Variants in POSTN observed in about 807,000 individuals in gnomAD.
POSTN encodes periostin.
Under a neutral mutation model 104.5 loss-of-function variants are expected in POSTN, and 71 were observed. That is an observed-to-expected ratio of 0.68 (90% confidence interval 0.56 to 0.83). The LOEUF is 0.83. Ranked by LOEUF, POSTN falls within the 40% of genes least tolerant of loss-of-function variation. The probability of loss-of-function intolerance (pLI) is 0.00; values close to 1 mark genes in which losing one functional copy is unlikely to be tolerated. For synonymous variants in POSTN, 355 were observed against 340.7 expected (o/e 1.04, Z -0.46); for missense variants, 949 against 1,006.8 (o/e 0.94, Z 0.78).
At chr13:37,598,223 A>G (rs1285670383) in intron 1 of POSTN, among the ~76,000 whole-genome samples, 2 of 152,138 alleles carry the variant, frequency 1.3e-5, no homozygotes, top group South Asian at 2.1e-4. Flanking sequence ...AGATATTTCA[A>G]TGCTGTTTGC....
At chr13:37,584,605 C>T (rs975041264) in intron 8 of POSTN, 111 bp downstream of exon 8, 8 of 866,646 alleles carry the variant, frequency 9.2e-6, no homozygotes, top group Middle Eastern at 3.5e-4. Flanking sequence ...GCTTTGCATG[C>T]CATTCTTTAT....
chr13:37,592,833 A>C (rs565210971), intron 2 of POSTN, among the ~76,000 whole-genome samples: 1 of 152,292 alleles, frequency 6.6e-6, no homozygotes, highest in East Asian at 1.9e-4. Flanking sequence ...TCTCAAATGA[A>C]ATAATGCTTT....
chr13:37,566,507 T>C (rs1174579622), intron 21 of POSTN, among the ~76,000 whole-genome samples: 2 of 152,258 alleles, frequency 1.3e-5, no homozygotes, highest in East Asian at 3.9e-4. Context: ...TATTAACTTA[T>C]TTAGACTGTA....
rs1234258738 is a variant in POSTN at position 37,584,047 on chromosome 13, C to T, written c.1165G>A (p.Ala389Thr). The T allele has an allele frequency of 6.2e-7, 1 of 1,613,874 alleles. No individual in the cohort carries two copies. Among genetic ancestry groups the T allele is most frequent in the Admixed American group, 1.7e-5 (1 of 59,968 alleles). ...AGAGCAGATGCCAAGCCTAATTGGGCCACAAGATCCGTGAAGGTGGTTTGC... is the reference window on the plus strand; with the variant it reads ...AGAGCAGATGCCAAGCCTAATTGGGTCACAAGATCCGTGAAGGTGGTTTGC... ...KQQTTFTDLV[A>T]QLGLASALRP... The change falls in exon 9 of 23, where the codon GCC becomes ACC. Residue 389 changes from alanine to threonine, a missense_variant. Physicochemically the swap from Ala to Thr is moderately conservative, Grantham distance 58. Coordinates refer to ENST00000379747, the MANE Select transcript of POSTN (RefSeq NM_006475.3).
chr13:37,592,240 T>G, intron 2 of POSTN, 76 bp from the exon 3 acceptor site: 3 of 920,968 alleles, frequency 3.3e-6, no homozygotes, highest in Non-Finnish European at 5.0e-6. Context: ...TGACAAAATA[T>G]TTCACTTATT....
intron 20 of POSTN, 121 bp from the exon 21 acceptor site, chr13:37,569,504 T>C: frequency 1.1e-6 from 1 of 898,582 alleles, no homozygotes; most frequent in Non-Finnish European, 1.8e-6. Flanking sequence ...CTCGATTCTT[T>C]CACAAATTTT....
chr13:37,591,954 T>G, intron 3 of POSTN, 146 bp downstream of exon 3: 1 of 548,474 alleles, frequency 1.8e-6, no homozygotes. Flanking sequence ...ATTCATAAAT[T>G]CATGATTAAC....
At chr13:37,595,302 T>A (rs1031791784) in intron 2 of POSTN, among the ~76,000 whole-genome samples, 1 of 152,042 alleles carries the variant, frequency 6.6e-6, no homozygotes, top group Non-Finnish European at 1.5e-5. Context: ...AGCCTTAGAG[T>A]CCCTACTGGG....
chr13:37,598,552 A>T (rs1190783936), intron 1 of POSTN, 56 bp downstream of exon 1: 2 of 1,533,956 alleles, frequency 1.3e-6, no homozygotes, highest in Non-Finnish European at 1.8e-6. Flanking sequence ...ATACTTGAAC[A>T]TCTAACAAGC....
At position 37,567,427 on chromosome 13, in the gene POSTN, C is replaced by G. The variant is rs185572923; in HGVS notation, c.2431+1873G>C. On this transcript the variant is annotated intron_variant, in intron 21 of 22. Transcript: ENST00000379747. Reference sequence around the variant, plus strand: ...CTTTACTAGCTTCTTTTATCAATGCCTTTTAGGATCTAGACAAGGGGATAC... The same window carrying G: ...CTTTACTAGCTTCTTTTATCAATGCGTTTTAGGATCTAGACAAGGGGATAC... Among the ~76,000 whole-genome samples the G allele has an allele frequency of 2.6e-3, 398 of 151,506 alleles. 4 individuals carry two copies. The highest frequency in any genetic ancestry group is 8.6e-3 in the African/African-American group (356 of 41,302).
chr13:37,570,167 A>G (rs1478890020), intron 19 of POSTN, among the ~76,000 whole-genome samples: 1 of 151,836 alleles, frequency 6.6e-6, no homozygotes, highest in Non-Finnish European at 1.5e-5. Context: ...GGTTTACTGA[A>G]AATATTGATC....
chr13:37,596,403 G>A (rs1226095914), intron 2 of POSTN, among the ~76,000 whole-genome samples: 1 of 152,048 alleles, frequency 6.6e-6, no homozygotes, highest in Admixed American at 6.6e-5. Context: ...TCACAGGAGT[G>A]GTTCTTGACC....
In POSTN at chr13:37,584,643, C is replaced by CTCTT. The variant is rs910777264; in HGVS notation, c.1108+69_1108+72dup. 7 of 1,238,722 alleles carry CTCTT rather than the reference C, an allele frequency of 5.7e-6. No individual in the cohort carries two copies. The Admixed American group carries it at 1.4e-4, about 25-fold the overall frequency. 76.7% of individuals were successfully genotyped at this position (1,238,722 alleles called of 1,614,324 possible). A position where few individuals can be genotyped will look rare whatever the true frequency, so the allele number is the denominator to read the frequency against. ...TGCACATTCATTTTTCATGGACTTA[C>CTCTT]TCTTTGAGACAGCATAATTAGTAAA... On this transcript the variant is annotated intron_variant, in intron 8 of 22. Transcript: ENST00000379747.
Position 37,587,727 on chromosome 13 carries a change from A to T in POSTN, c.606+95T>A, listed in dbSNP as rs560274888. The T allele has an allele frequency of 1.8e-4, 188 of 1,047,318 alleles. No homozygotes were observed. In the African/African-American group the frequency reaches 2.9e-3, roughly 16 times the overall value. 64.9% of individuals were successfully genotyped at this position (1,047,318 alleles called of 1,614,324 possible). A position where few individuals can be genotyped will look rare whatever the true frequency, so the allele number is the denominator to read the frequency against. On this transcript the variant is annotated intron_variant, in intron 5 of 22. Coordinates refer to ENST00000379747, the MANE Select transcript of POSTN (RefSeq NM_006475.3). ...ATATAGCACTTACCTTATTCTCACT[A>T]ACATTTTATTATTTTTGTGAGCATT...
chr13:37,574,529 T>A (rs924673990), intron 17 of POSTN, 43 bp downstream of exon 17: 1 of 1,548,762 alleles, frequency 6.5e-7, no homozygotes, highest in Non-Finnish European at 8.7e-7. Flanking sequence ...TTTTTACAGA[T>A]GTTTTTACTA....
chr13:37,563,184 A>C lies in POSTN; in HGVS notation c.*149T>G. 1 of 452,224 alleles carries C rather than the reference A, an allele frequency of 2.2e-6. No individual in the cohort carries two copies. Among genetic ancestry groups the C allele is most frequent in the East Asian group, 3.5e-5 (1 of 28,756 alleles). 28.0% of individuals were successfully genotyped at this position (452,224 alleles called of 1,614,324 possible). A position where few individuals can be genotyped will look rare whatever the true frequency, so the allele number is the denominator to read the frequency against. On this transcript the variant is annotated 3_prime_UTR_variant, in exon 23 of 23. Coordinates refer to ENST00000379747, the MANE Select transcript of POSTN (RefSeq NM_006475.3). ...CCCTCATGTTTCTCATTCAGAAAAA[A>C]AAATATTAAATTTGTGTTCAGAATT...
At chr13:37,575,314 C>T (rs943188487) in intron 16 of POSTN, among the ~76,000 whole-genome samples, 8 of 150,088 alleles carry the variant, frequency 5.3e-5, no homozygotes, top group Middle Eastern at 3.5e-3. Flanking sequence ...ATATTTTAAA[C>T]GTGTGTCGTC....
chr13:37,584,283 G>A (rs1262019366), intron 8 of POSTN, among the ~76,000 whole-genome samples, 180 bp from the exon 9 acceptor site: 1 of 152,130 alleles, frequency 6.6e-6, no homozygotes, highest in East Asian at 1.9e-4. Context: ...TTTGGTGGGA[G>A]TTGATAATCA....
chr13:37,593,314 TTATAA>T (rs1309539847), intron 2 of POSTN, among the ~76,000 whole-genome samples: 6 of 149,590 alleles, frequency 4.0e-5, no homozygotes, highest in South Asian at 2.1e-4. Flanking sequence ...ATTATTAATA[TTATAA>T]TATAATCCTA....
Sources: gnomAD v4.1 joint callset for allele counts (sites outside exome capture counted in the v4.1 genomes callset) on GRCh38, gnomAD v4.1.1 for gene constraint, MANE v1.5 for transcripts, NCBI Gene and HGNC (gene_info 2026-07-23, HGNC 2026-07-21) for gene names.